Variants in SREBF2 observed in about 807,000 individuals in gnomAD.
The protein encoded by SREBF2 is sterol regulatory element binding transcription factor 2.
Under a neutral mutation model 113.1 loss-of-function variants are expected in SREBF2, and 55 were observed. That is an observed-to-expected ratio of 0.49 (90% CI 0.39 to 0.61). The LOEUF (loss-of-function observed/expected upper bound fraction) is 0.61, where lower values mean the gene tolerates loss of function less well. Ranked by LOEUF, SREBF2 falls within the 20% of genes least tolerant of loss-of-function variation. SREBF2 has a pLI of 0.00. For synonymous variants in SREBF2, 593 were observed against 605.7 expected (o/e 0.98, Z 0.31); for missense variants, 1,349 against 1,487.4 (o/e 0.91, Z 1.53).
chr22:41,864,815 G>C (rs1321795193), intron 1 of SREBF2, among the ~76,000 whole-genome samples: 1 of 152,074 alleles, frequency 6.6e-6, no homozygotes, highest in Non-Finnish European at 1.5e-5. Flanking sequence ...AGCCGGGCAT[G>C]GTTGGCGCAC....
At position 41,899,346 on chromosome 22, in the gene SREBF2, T is replaced by A. The variant is rs564448830; in HGVS notation, c.2738+565T>A. On this transcript the variant is annotated intron_variant, in intron 15 of 18. Transcript: ENST00000361204. The stretch of plus-strand genomic sequence containing the variant: ...TGACATTCCTCTTTGGAGATTCATG[T>A]CTGCGTCTTGGGGGCATTCGGCACT... 1.4e-5 allele frequency: 14 copies of A among 1,019,324 alleles called. No homozygotes were observed. The East Asian group carries it at 1.2e-3, about 87-fold the overall frequency. The allele number at this position is 1,019,324 out of a possible 1,614,324, so 63.1% of individuals were successfully genotyped here.
intron 14 of SREBF2, 137 bp from the exon 15 acceptor site, chr22:41,898,512 G>A: frequency 8.9e-7 from 1 of 1,121,620 alleles, no homozygotes; most frequent in East Asian, 2.6e-5. Flanking sequence ...CTGGGTGTGG[G>A]AGCCCAGAGG....
intron 10 of SREBF2, 128 bp downstream of exon 10, chr22:41,881,120 G>A: frequency 7.9e-7 from 1 of 1,272,194 alleles, no homozygotes; most frequent in South Asian, 1.4e-5. Flanking sequence ...AGAGTGGCTA[G>A]ACCAAGCTTC....
At chr22:41,886,447 T>A (rs2077299652) in intron 11 of SREBF2, 1 of 152,188 alleles carries the variant, frequency 6.6e-6, no homozygotes, top group East Asian at 1.9e-4. Context: ...GTCATTACAT[T>A]TGTAACTTCC....
chr22:41,880,717 G>C lies in SREBF2; in HGVS notation c.1763G>C (p.Gly588Ala). Residue 588 changes from glycine (G) to alanine (A), a missense_variant and splice_region_variant, in exon 10 of 19, where the codon GGA (glycine) becomes GCA (alanine). Physicochemically the swap from Gly to Ala is moderately conservative, Grantham distance 60 (BLOSUM62 0). Around this residue, in one of 2 missense-constraint regions of SREBF2, gnomAD observed 699 missense variants for 843.3 expected, o/e 0.83. Transcript: ENST00000361204. ...TTAACACCTTTTGATACTTTGTAGG[G>C]AGATTTTGCAGCTGCTGCCGGCAAC... The part of the protein sequence containing the change: ...RKQADLDLAR[G>A]DFAAAAGNLQ... 6.2e-7 allele frequency: 1 copy of C among 1,614,196 alleles called. No homozygotes were observed. Among genetic ancestry groups the C allele is most frequent in the Non-Finnish European group, 8.5e-7 (1 of 1,180,046 alleles).
chr22:41,875,672 C>G lies in SREBF2; in HGVS notation c.1334C>G (p.Ser445Cys). The G allele has an allele frequency of 6.2e-7, 1 of 1,614,194 alleles. No individual in the cohort carries two copies. The highest frequency in any genetic ancestry group is 8.5e-7 in the Non-Finnish European group (1 of 1,180,030). The change falls in exon 7 of 19, where the codon TCT (serine) becomes TGT (cysteine). Residue 445 changes from serine (S) to cysteine (C), a missense_variant. By Grantham distance (112) the Ser-to-Cys change is moderately radical. This residue lies in a region of SREBF2 where 699 missense variants were observed against 843.3 expected (regional missense o/e 0.83). Coordinates refer to ENST00000361204, the MANE Select transcript of SREBF2 (RefSeq NM_004599.4). The part of the protein sequence containing the change: ...ASDSGSQAGF[S>C]PYSIDSEPGS... ...GACTCAGGGTCCCAGGCTGGCTTCT[C>G]TCCCTACTCCATTGACTCTGAGCCA...
rs374348465 is a variant in SREBF2 at position 41,877,432 on chromosome 22, G to A, written c.1579+11G>A. 4.3e-6 allele frequency: 7 copies of A among 1,613,810 alleles called. No individual in the cohort carries two copies. Among genetic ancestry groups the A allele is most frequent in the Non-Finnish European group, 5.9e-6 (7 of 1,179,860 alleles). ...TGTCATTCGAGTCAGGTAGGTGGAG[G>A]CCCCTTGCCCCACCTGGGCATGGCT... is the stretch of plus-strand genomic sequence containing the variant. On this transcript the variant is annotated intron_variant, in intron 8 of 18. Coordinates refer to ENST00000361204, the MANE Select transcript of SREBF2 (RefSeq NM_004599.4).
In SREBF2 at chr22:41,905,635, G is replaced by A. The variant is rs2077501691; in HGVS notation, c.3401G>A (p.Gly1134Asp). The A allele has an allele frequency of 6.3e-7, 1 of 1,592,286 alleles. No homozygotes were observed. Among genetic ancestry groups the A allele is most frequent in the African/African-American group, 1.3e-5 (1 of 74,598 alleles). The change falls in exon 19 of 19, where the codon GGT becomes GAT. Residue 1134 changes from glycine (G) to aspartate (D), a missense_variant. By Grantham distance (94) the Gly-to-Asp change is moderately conservative. This residue lies in a region of SREBF2 where 650 missense variants were observed against 644.1 expected (regional missense o/e 1.01). Transcript: ENST00000361204. ...CAGCAGATGATTGTTAAGCTGGGTG[G>A]TGGCACTGCCATTGCCGCCTCCTGA... ...DCQQMIVKLG[G>D]GTAIAAS
Position 41,900,474 on chromosome 22 carries a change from C to T in SREBF2, c.2883C>T (p.Ala961=), listed in dbSNP as rs1211233643. ...GGAGCAGCCTCAACGTCAGTGGGGC[C>T]ACCTCTGACCCTGCCCTCAACCACG... is the stretch of plus-strand genomic sequence containing the variant. ...HLWSSLNVSG[A]TSDPALNHVV... Residue 961 remains alanine (A), a synonymous_variant, in exon 16 of 19, where the codon GCC becomes GCT. Transcript: ENST00000361204. The T allele has an allele frequency of 6.2e-7, 1 of 1,613,586 alleles. No homozygotes were observed. The highest frequency in any genetic ancestry group is 8.5e-7 in the Non-Finnish European group (1 of 1,179,890).
At chr22:41,887,489 C>G (rs2077310208) in intron 11 of SREBF2, among the ~76,000 whole-genome samples, 2 of 152,168 alleles carry the variant, frequency 1.3e-5, no homozygotes, top group African/African-American at 4.8e-5. Context: ...GAGAGTCTTG[C>G]AGTATACACT....
chr22:41,842,919 G>A (rs1034326081), intron 1 of SREBF2, among the ~76,000 whole-genome samples: 2 of 152,106 alleles, frequency 1.3e-5, no homozygotes, highest in Non-Finnish European at 2.9e-5. Flanking sequence ...GAATCCAGGA[G>A]GTGGAGGTTG....
rs2076964745 is a variant in SREBF2 at position 41,855,007 on chromosome 22, CATGTGCAGCAT to C, written c.89-11823_89-11813del. 5.0e-4 allele frequency among the ~76,000 whole-genome samples: 74 copies of C among 146,716 alleles called. No homozygotes were observed. In the Admixed American group the frequency reaches 5.2e-3, roughly 10 times the overall value. On this transcript the variant is annotated intron_variant, in intron 1 of 18. Coordinates refer to ENST00000361204, the MANE Select transcript of SREBF2 (RefSeq NM_004599.4). The stretch of plus-strand genomic sequence containing the variant: ...CCTCCCGTGTAGCTGGACCAACAGG[CATGTGCAGCAT>C]TAAAAAAAAAAAAAAAACTTACTAT...
chr22:41,851,132 C>G (rs2076926034), intron 1 of SREBF2, among the ~76,000 whole-genome samples: 1 of 152,080 alleles, frequency 6.6e-6, no homozygotes, highest in Non-Finnish European at 1.5e-5. Flanking sequence ...TTATGTTGTC[C>G]TCATGGAGGA....
intron 18 of SREBF2, 42 bp downstream of exon 18, chr22:41,905,016 T>C (rs1475001909): frequency 6.6e-6 from 10 of 1,520,032 alleles, no homozygotes; most frequent in South Asian, 1.2e-5. Context: ...GGCCAGGCCC[T>C]GCGCCCTAGG....
rs971679831 is a variant in SREBF2, at chr22:41,887,503, T to C, written c.2208+2492T>C. The stretch of plus-strand genomic sequence containing the variant: ...GGAGAGTCTTGCAGTATACACTGTT[T>C]TGTGTCTGACTTATTTTGCTCAATA... On this transcript the variant is annotated intron_variant, in intron 11 of 18. Transcript: ENST00000361204. Among the ~76,000 whole-genome samples the C allele has an allele frequency of 8.5e-5, 13 of 152,354 alleles. No individual in the cohort carries two copies. The South Asian group carries it at 1.2e-3, about 15-fold the overall frequency.
rs907901196 is a variant in SREBF2 at position 41,900,467 on chromosome 22, G to A, written c.2876G>A (p.Ser959Asn). Residue 959 changes from serine to asparagine, a missense_variant, in exon 16 of 19, where the codon AGT (serine) becomes AAT (asparagine). Around this residue, in one of 2 missense-constraint regions of SREBF2, gnomAD observed 650 missense variants for 644.1 expected, o/e 1.01. Coordinates refer to ENST00000361204, the MANE Select transcript of SREBF2 (RefSeq NM_004599.4). Reference protein sequence around the residue: ...SGHLWSSLNVSGATSDPALNH... With the variant: ...SGHLWSSLNVNGATSDPALNH... ...CACCTATGGAGCAGCCTCAACGTCA[G>A]TGGGGCCACCTCTGACCCTGCCCTC... 8.6e-5 allele frequency: 138 copies of A among 1,613,724 alleles called. No individual in the cohort carries two copies. The highest frequency in any genetic ancestry group is 1.1e-4 in the Non-Finnish European group (135 of 1,180,038).
At chr22:41,888,098 T>C (rs1202901743) in intron 11 of SREBF2, among the ~76,000 whole-genome samples, 1 of 152,268 alleles carries the variant, frequency 6.6e-6, no homozygotes, top group Non-Finnish European at 1.5e-5. Flanking sequence ...TTGCCTGTTC[T>C]GTCTTAATGG....
chr22:41,837,780 C>A (rs550147530), intron 1 of SREBF2, among the ~76,000 whole-genome samples: 2 of 150,900 alleles, frequency 1.3e-5, no homozygotes, highest in East Asian at 3.9e-4. Context: ...ATTGCTTGAA[C>A]CCGGGAGGCA....
At chr22:41,887,387 C>T (rs137981155) in intron 11 of SREBF2, among the ~76,000 whole-genome samples, 2 of 152,308 alleles carry the variant, frequency 1.3e-5, no homozygotes, top group African/African-American at 4.8e-5. Context: ...CACTAACCTG[C>T]CCCTTCCCCC....
Sources: allele counts gnomAD v4.1 joint callset (sites outside exome capture counted in the v4.1 genomes callset), GRCh38; gene constraint gnomAD v4.1.1; regional missense constraint gnomAD v4.1.1; transcripts MANE v1.5; gene names NCBI Gene and HGNC (gene_info 2026-07-23, HGNC 2026-07-21).